The following VAV2 variants were observed in gnomAD, a reference collection of about 807,000 sequenced individuals.
VAV2 encodes the protein guanine nucleotide exchange factor VAV2.
In VAV2, 67 loss-of-function variants were observed where a neutral mutation model predicts 132.5. The observed-to-expected ratio is 0.51, with a 90% CI of 0.42 to 0.62. VAV2 has a LOEUF of 0.62. Among genes scored for constraint, VAV2 ranks in the 20% least tolerant of loss-of-function variants. The pLI is 0.00. For missense variants in VAV2, 938 were observed against 1,153.6 expected, an observed-to-expected ratio of 0.81 and a Z score of 2.71; for synonymous variants, 492 against 443.5, an observed-to-expected ratio of 1.11 and a Z score of -1.37.
At position 133,762,258 on chromosome 9, in the gene VAV2, C is replaced by T. The variant is rs1319370088; in HGVS notation, c.*1804G>A. The stretch of plus-strand genomic sequence containing the variant: ...TTCTAAATTATTTTTTCTCAGTGTC[C>T]TTCGTGATCATGATGACTTATTTGT... On this transcript the variant is annotated 3_prime_UTR_variant, in exon 30 of 30. Coordinates refer to ENST00000371850, the MANE Select transcript of VAV2 (RefSeq NM_001134398.2). This position sits in a 1 kb window ranked among gnomAD's most constrained non-coding sequence, Gnocchi z 5.0. 6.6e-6 allele frequency: 1 copy of T among 152,592 alleles called. No individual in the cohort carries two copies. Among genetic ancestry groups the T allele is most frequent in the Non-Finnish European group, 1.5e-5 (1 of 68,040 alleles). 9.5% of individuals were successfully genotyped at this position (152,592 alleles called of 1,614,324 possible). A position where few individuals can be genotyped will look rare whatever the true frequency, so the allele number is the denominator to read the frequency against.
intron 2 of VAV2, chr9:133,927,749 T>C (rs1840531218): frequency 6.6e-6 from 1 of 152,158 alleles, no homozygotes; most frequent in African/African-American, 2.4e-5. Flanking sequence ...AGGTACAAGT[T>C]CCCAACCTGG....
At chr9:133,988,650 G>A (rs1034127366) in intron 1 of VAV2, among the ~76,000 whole-genome samples, 2 of 152,334 alleles carry the variant, frequency 1.3e-5, no homozygotes, top group Middle Eastern at 3.4e-3. Flanking sequence ...TCAGCCGGAC[G>A]CGGGGGCTCA....
chr9:133,849,616 C>T (rs987264796), intron 3 of VAV2, among the ~76,000 whole-genome samples: 9 of 152,218 alleles, frequency 5.9e-5, no homozygotes, highest in African/African-American at 2.2e-4. Flanking sequence ...CTCTCCAGTT[C>T]TCCCAGTTCT....
In VAV2 at chr9:133,764,197, G is replaced by A; in HGVS notation, c.2590-88C>T. 1.9e-6 allele frequency: 3 copies of A among 1,550,756 alleles called. No individual in the cohort carries two copies. The South Asian group carries it at 3.4e-5, about 18-fold the overall frequency. On this transcript the variant is annotated intron_variant, in intron 29 of 29. Transcript: ENST00000371850. ...GTCTATGTTGGGGTGAGGGCAAGTAGAGGCTCATGAAGATGGGGGGCCCTT... is the reference window on the plus strand; with the variant it reads ...GTCTATGTTGGGGTGAGGGCAAGTAAAGGCTCATGAAGATGGGGGGCCCTT...
At chr9:133,887,594 T>C (rs1838762808) in intron 2 of VAV2, among the ~76,000 whole-genome samples, 1 of 147,186 alleles carries the variant, frequency 6.8e-6, no homozygotes, top group South Asian at 2.2e-4. Context: ...CACACACACA[T>C]TCCCCACGCG....
intron 4 of VAV2, 108 bp from the exon 5 acceptor site, chr9:133,812,324 C>A (rs916643160): frequency 9.7e-7 from 1 of 1,029,706 alleles, no homozygotes. Flanking sequence ...GGGGCCACAG[C>A]GAGGTCACCT....
Position 133,769,494 on chromosome 9 carries a change from G to A in VAV2, c.2357C>T (p.Ala786Val). Residue 786 changes from alanine to valine, a missense_variant, in exon 28 of 30, where the codon GCT (alanine) becomes GTT (valine). Coordinates refer to ENST00000371850, the MANE Select transcript of VAV2 (RefSeq NM_001134398.2). This position sits in a 1 kb window ranked among gnomAD's most constrained non-coding sequence, Gnocchi z 8.1. ...ACTGAGAAAAGAAAAGTTGTAGGAA[G>A]CACAGGAAGCTGCAAAGAGGCGAGA... ...RASSRSPASC[A>V]SYNFSFLSPQ... is the part of the protein sequence containing the mutation. The A allele has an allele frequency of 6.2e-7, 1 of 1,612,164 alleles. No individual in the cohort carries two copies. The highest frequency in any genetic ancestry group is 8.5e-7 in the Non-Finnish European group (1 of 1,179,156).
chr9:133,938,167 T>A (rs980904512), intron 2 of VAV2, among the ~76,000 whole-genome samples: 1 of 152,160 alleles, frequency 6.6e-6, no homozygotes, highest in South Asian at 2.1e-4. Flanking sequence ...AACCAGGCAG[T>A]AAATATCTTG....
chr9:133,843,811 A>C (rs1055685911), intron 3 of VAV2, among the ~76,000 whole-genome samples: 1 of 152,214 alleles, frequency 6.6e-6, no homozygotes, highest in Non-Finnish European at 1.5e-5. Flanking sequence ...CGGTGTGGCC[A>C]CCAGGGTCTG....
At chr9:133,985,087 A>C (rs1842813771) in intron 1 of VAV2, among the ~76,000 whole-genome samples, 1 of 152,168 alleles carries the variant, frequency 6.6e-6, no homozygotes, top group Non-Finnish European at 1.5e-5. Context: ...ACATGTATAG[A>C]CACATATGGA....
chr9:133,841,791 T>C (rs555850985), intron 3 of VAV2, among the ~76,000 whole-genome samples: 1 of 152,250 alleles, frequency 6.6e-6, no homozygotes, highest in South Asian at 2.1e-4. Flanking sequence ...GGGCCGGTAG[T>C]AGCAATTGCT....
At chr9:133,926,000 C>CAAAA (rs10555726) in intron 2 of VAV2, 2 of 63,822 alleles carry the variant, frequency 3.1e-5, no homozygotes, top group African/African-American at 7.7e-5. Context: ...GGACATGGAC[C>CAAAA]AAAAAAAAAA....
chr9:133,846,610 A>G (rs1836946353), intron 3 of VAV2, among the ~76,000 whole-genome samples: 1 of 151,420 alleles, frequency 6.6e-6, no homozygotes, highest in Non-Finnish European at 1.5e-5. Flanking sequence ...GCAGTTCCCC[A>G]GGGCTTCTGC....
Position 133,867,224 on chromosome 9 carries a change from A to C in VAV2, c.322-5792T>G, listed in dbSNP as rs139292375. Among the ~76,000 whole-genome samples, 428 of 152,318 alleles carry C rather than the reference A, an allele frequency of 2.8e-3. 4 individuals are homozygous for C. Among genetic ancestry groups the C allele is most frequent in the African/African-American group, 9.9e-3 (411 of 41,574 alleles). On this transcript the variant is annotated intron_variant, in intron 2 of 29. Coordinates refer to ENST00000371850, the MANE Select transcript of VAV2 (RefSeq NM_001134398.2). ...AGCAGGTCTGCAGCTGGGCAGGCCAAGGCCAGCATCAAGGCTCAACACCCA... is the reference window on the plus strand; with the variant it reads ...AGCAGGTCTGCAGCTGGGCAGGCCACGGCCAGCATCAAGGCTCAACACCCA...
At chr9:133,872,750 C>G (rs1271867001) in intron 2 of VAV2, among the ~76,000 whole-genome samples, 1 of 152,108 alleles carries the variant, frequency 6.6e-6, no homozygotes, top group Non-Finnish European at 1.5e-5. Context: ...GGCGGCCACT[C>G]CAACCATGGG....
In VAV2 at chr9:133,840,089, C is replaced by T. The variant is rs868360549; in HGVS notation, c.381-5749G>A. On this transcript the variant is annotated intron_variant, in intron 3 of 29. Transcript: ENST00000371850. The surrounding 1 kb of genome is among the most constrained non-coding windows in gnomAD (Gnocchi z 4.5). ...CCTTGCCCTGTGGCGTTGCCTTGCT[C>T]GTTAAGAGCAGGGAATGAGAAGCAG... 6.6e-6 allele frequency among the ~76,000 whole-genome samples: 1 copy of T among 152,194 alleles called. No homozygotes were observed. Among genetic ancestry groups the T allele is most frequent in the African/African-American group, 2.4e-5 (1 of 41,448 alleles).
intron 1 of VAV2, among the ~76,000 whole-genome samples, chr9:133,965,908 C>T (rs959897369): frequency 5.9e-5 from 9 of 152,166 alleles, no homozygotes; most frequent in African/African-American, 1.9e-4. Flanking sequence ...GCAACAAAAG[C>T]AGCATGATAC....
In VAV2 at chr9:133,798,701, G is replaced by A. The variant is rs182538309; in HGVS notation, c.837-892C>T. Among the ~76,000 whole-genome samples, 42 of 152,326 alleles carry A rather than the reference G, an allele frequency of 2.8e-4. No individual in the cohort carries two copies. The East Asian group carries it at 7.5e-3, about 27-fold the overall frequency. On this transcript the variant is annotated intron_variant, in intron 9 of 29. Coordinates refer to ENST00000371850, the MANE Select transcript of VAV2 (RefSeq NM_001134398.2). ...ATGTTGGTGACAACAAGGATGACAA[G>A]AGCCACCACTCGCTGAGGCAGCTGC...
intron 2 of VAV2, among the ~76,000 whole-genome samples, chr9:133,871,566 CT>C (rs1838057325): frequency 6.6e-6 from 1 of 152,012 alleles, no homozygotes; most frequent in African/African-American, 2.4e-5. Context: ...CCAGTCCCTT[CT>C]GATGAAGTAA....
Sources: allele counts gnomAD v4.1 joint callset (sites outside exome capture counted in the v4.1 genomes callset), GRCh38; gene constraint gnomAD v4.1.1; non-coding constraint Gnocchi (gnomAD v3.1); transcripts MANE v1.5; gene names NCBI Gene and HGNC (gene_info 2026-07-23, HGNC 2026-07-21).